PCDHGA5: variants seen among roughly 807,000 people sequenced by gnomAD.
PCDHGA5 encodes protocadherin gamma subfamily A, 5.
In PCDHGA5, 36 loss-of-function variants were observed where a neutral mutation model predicts 56.7. The observed-to-expected ratio is 0.64, with a 90% CI of 0.49 to 0.84. The LOEUF is 0.84. Among genes scored for constraint, PCDHGA5 ranks in the 40% least tolerant of loss-of-function variants. PCDHGA5 has a pLI of 0.00. For synonymous variants in PCDHGA5, 563 were observed against 520.2 expected, an observed-to-expected ratio of 1.08 and a Z score of -1.12; for missense variants, 1,305 against 1,201.5, an observed-to-expected ratio of 1.09 and a Z score of -1.27.
chr5:141,369,377 GT>G (rs1049592188), intron 1 of PCDHGA5, among the ~76,000 whole-genome samples: 53 of 152,270 alleles, frequency 3.5e-4, no homozygotes, highest in African/African-American at 1.3e-3. Flanking sequence ...CTTTGTAAAA[GT>G]TTTTCATTTG....
At chr5:141,481,323 C>T (rs539518691) in intron 1 of PCDHGA5, among the ~76,000 whole-genome samples, 1 of 152,284 alleles carries the variant, frequency 6.6e-6, no homozygotes, top group Non-Finnish European at 1.5e-5. Flanking sequence ...AAAGCACTAG[C>T]CCCTGGACAA....
chr5:141,393,481 C>T, intron 1 of PCDHGA5: 1 of 1,614,066 alleles, frequency 6.2e-7, no homozygotes. Context: ...CCGCCTCGCT[C>T]TAGCACAGTG....
chr5:141,402,871 A>G, intron 1 of PCDHGA5: 1 of 1,452,626 alleles, frequency 6.9e-7, no homozygotes, highest in Non-Finnish European at 9.1e-7. Context: ...AAAGATCACC[A>G]TACTTTGCAG....
rs1562144438 is a variant in PCDHGA5, at chr5:141,491,135, G to T, written c.2422-3672G>T. The T allele has an allele frequency of 6.2e-7, 1 of 1,613,986 alleles. No individual in the cohort carries two copies. Among genetic ancestry groups the T allele is most frequent in the Non-Finnish European group, 8.5e-7 (1 of 1,180,000 alleles). On this transcript the variant is annotated intron_variant, in intron 1 of 3. Transcript: ENST00000518069. This position sits in a 1 kb window ranked among gnomAD's most constrained non-coding sequence, Gnocchi z 6.9. ...CACACTGGTGAGGTGCGCACAGCCC[G>T]GGCCTTACTGGAGGATGACTCTGAC...
In PCDHGA5 at chr5:141,405,262, C is replaced by A. The variant is rs1352663124; in HGVS notation, c.2421+38511C>A. ...ACTCAAGGAAGAGTCACCTGATCTT[C>A]CCCCAGCCCAACTATGCAGACACAC... On this transcript the variant is annotated intron_variant, in intron 1 of 3. Coordinates refer to ENST00000518069, the MANE Select transcript of PCDHGA5 (RefSeq NM_018918.3). The A allele has an allele frequency of 2.5e-6, 4 of 1,614,012 alleles. No individual in the cohort carries two copies. In the African/African-American group the frequency reaches 5.3e-5, roughly 22 times the overall value.
In PCDHGA5 at chr5:141,370,660, G is replaced by A. The variant is rs199537402; in HGVS notation, c.2421+3909G>A. 3.1e-6 allele frequency: 5 copies of A among 1,613,752 alleles called. No individual in the cohort carries two copies. The Admixed American group carries it at 5.0e-5, about 16-fold the overall frequency. ...AATGGGAACTTACTTGTGAGCGACC[G>A]TATAGACCGAGAGGAGATTTGTGGC... On this transcript the variant is annotated intron_variant, in intron 1 of 3. Transcript: ENST00000518069.
chr5:141,452,054 C>T (rs578157525), intron 1 of PCDHGA5, among the ~76,000 whole-genome samples: 2 of 152,078 alleles, frequency 1.3e-5, no homozygotes, highest in Admixed American at 1.3e-4. Flanking sequence ...TTTGTAATAA[C>T]TTATTCTACT....
chr5:141,486,170 C>T lies in PCDHGA5; in HGVS notation c.2422-8637C>T, dbSNP rs759946548. The stretch of plus-strand genomic sequence containing the variant: ...TGGGGGTTCTCCAGCCATGGAGCAA[C>T]ATTGCAGCCTTCGAGTGGATCTGCT... On this transcript the variant is annotated intron_variant, in intron 1 of 3. Coordinates refer to ENST00000518069, the MANE Select transcript of PCDHGA5 (RefSeq NM_018918.3). This position sits in a 1 kb window ranked among gnomAD's most constrained non-coding sequence, Gnocchi z 5.0. The T allele has an allele frequency of 1.5e-5, 24 of 1,614,116 alleles. No individual in the cohort carries two copies. Among genetic ancestry groups the T allele is most frequent in the South Asian group, 4.4e-5 (4 of 91,090 alleles).
In PCDHGA5 at chr5:141,510,983, C is replaced by T; in HGVS notation, c.2606C>T (p.Ala869Val). The change falls in exon 4 of 4, where the codon GCC becomes GTC. Residue 869 changes from alanine to valine, a missense_variant. Transcript: ENST00000518069. The stretch of plus-strand genomic sequence containing the variant: ...GGGAGCTCCACCCTGGGAGGGGGTG[C>T]CGGCACCATGGGATTGAGCGCCCGC... ...ADGSSTLGGG[A>V]GTMGLSARYG... The T allele has an allele frequency of 6.2e-7, 1 of 1,614,162 alleles. No homozygotes were observed. The highest frequency in any genetic ancestry group is 8.5e-7 in the Non-Finnish European group (1 of 1,180,012).
In PCDHGA5 at chr5:141,486,157, A is replaced by C. The variant is rs1562110580; in HGVS notation, c.2422-8650A>C. On this transcript the variant is annotated intron_variant, in intron 1 of 3. Transcript: ENST00000518069. This position sits in a 1 kb window ranked among gnomAD's most constrained non-coding sequence, Gnocchi z 5.0. ...TGCGGGCTCGCGATGGGGGTTCTCC[A>C]GCCATGGAGCAACATTGCAGCCTTC... 10 of 1,614,208 alleles carry C rather than the reference A, an allele frequency of 6.2e-6. No individual in the cohort carries two copies. The highest frequency in any genetic ancestry group is 8.5e-6 in the Non-Finnish European group (10 of 1,180,028).
At chr5:141,419,946 T>C in intron 1 of PCDHGA5, 1 of 1,614,086 alleles carries the variant, frequency 6.2e-7, no homozygotes, top group Non-Finnish European at 8.5e-7. Context: ...GTGGTGGCCT[T>C]GGCCTTGATT....
chr5:141,427,268 A>G (rs1433017911), intron 1 of PCDHGA5: 7 of 456,648 alleles, frequency 1.5e-5, no homozygotes, highest in Non-Finnish European at 3.1e-5. Flanking sequence ...TGACCAGCGA[A>G]TGTAAAATTA....
chr5:141,410,320 C>T (rs752279818), intron 1 of PCDHGA5: 54 of 1,613,880 alleles, frequency 3.3e-5, no homozygotes, highest in Non-Finnish European at 4.5e-5. Context: ...TCCTCCTCGC[C>T]GTGATTCTGG....
rs766784928 is a variant in PCDHGA5, at chr5:141,431,447, G to T, written c.2422-63360G>T. ...GCGCACAGGCACCGCGCGCATCCGC[G>T]TGATGGTTCTGGATGCGAACGACAA... On this transcript the variant is annotated intron_variant, in intron 1 of 3. Coordinates refer to ENST00000518069, the MANE Select transcript of PCDHGA5 (RefSeq NM_018918.3). The surrounding 1 kb of genome is among the most constrained non-coding windows in gnomAD (Gnocchi z 4.8). 2 of 1,613,792 alleles carry T rather than the reference G, an allele frequency of 1.2e-6. No individual in the cohort carries two copies. The highest frequency in any genetic ancestry group is 1.7e-6 in the Non-Finnish European group (2 of 1,180,014).
intron 1 of PCDHGA5, among the ~76,000 whole-genome samples, chr5:141,469,162 G>A (rs2099192596): frequency 6.6e-6 from 1 of 152,062 alleles, no homozygotes; most frequent in Admixed American, 6.6e-5. Flanking sequence ...TGTAGTCCCA[G>A]CTACTTGGGA....
At chr5:141,417,068 T>C (rs1433034146) in intron 1 of PCDHGA5, 1 of 152,154 alleles carries the variant, frequency 6.6e-6, no homozygotes, top group African/African-American at 2.4e-5. Context: ...ATTGTAGCTA[T>C]TGTGAGAAAA....
At chr5:141,444,125 C>A (rs1459174213) in intron 1 of PCDHGA5, among the ~76,000 whole-genome samples, 2 of 130,784 alleles carry the variant, frequency 1.5e-5, no homozygotes, top group African/African-American at 5.7e-5. Flanking sequence ...AGTATCTCAA[C>A]AGATATGTGT....
At chr5:141,450,829 ATT>A (rs373424450) in intron 1 of PCDHGA5, among the ~76,000 whole-genome samples, 3 of 135,116 alleles carry the variant, frequency 2.2e-5, no homozygotes, top group African/African-American at 2.7e-5. Flanking sequence ...TATTATTATT[ATT>A]TTTTTTTTTT....
chr5:141,431,036 G>A lies in PCDHGA5; in HGVS notation c.2422-63771G>A. The A allele has an allele frequency of 6.2e-7, 1 of 1,614,204 alleles. No individual in the cohort carries two copies. Among genetic ancestry groups the A allele is most frequent in the Non-Finnish European group, 8.5e-7 (1 of 1,180,034 alleles). ...GGTCACGGCGGGCAGGATAGACCGG[G>A]AGGAGCTCTGTATGGGGGCCATCAA... On this transcript the variant is annotated intron_variant, in intron 1 of 3. Coordinates refer to ENST00000518069, the MANE Select transcript of PCDHGA5 (RefSeq NM_018918.3). This position sits in a 1 kb window ranked among gnomAD's most constrained non-coding sequence, Gnocchi z 4.8.
Sources: allele counts gnomAD v4.1 joint callset (sites outside exome capture counted in the v4.1 genomes callset), GRCh38; gene constraint gnomAD v4.1.1; non-coding constraint Gnocchi (gnomAD v3.1); transcripts MANE v1.5; gene names NCBI Gene and HGNC (gene_info 2026-07-23, HGNC 2026-07-21).